The following TANC2 variants were observed in gnomAD, a reference collection of about 807,000 sequenced individuals.
TANC2 encodes tetratricopeptide repeat, ankyrin repeat and coiled-coil containing 2.
TANC2 carries 26 observed loss-of-function variants against 210.5 expected under a neutral mutation model. That is an observed-to-expected ratio of 0.12 (90% CI 0.09 to 0.17). The LOEUF (loss-of-function observed/expected upper bound fraction) is 0.17. TANC2 is among the 10% of genes least tolerant of loss of function. The probability of loss-of-function intolerance (pLI) is 1.00; values close to 1 mark genes in which losing one functional copy is unlikely to be tolerated. For synonymous variants in TANC2, 931 were observed against 967.1 expected (o/e 0.96, Z 0.69); for missense variants, 2,129 against 2,608.9 (o/e 0.82, Z 4.01).
At chr17:63,036,312 GTGTT>G (rs770433923) in intron 2 of TANC2, among the ~76,000 whole-genome samples, 33 of 152,232 alleles carry the variant, frequency 2.2e-4, no homozygotes, top group East Asian at 3.9e-4. Flanking sequence ...TAAGGTTGAT[GTGTT>G]TGTTTGTTTT....
At chr17:63,347,667 C>A (rs2046457958) in intron 12 of TANC2, among the ~76,000 whole-genome samples, 1 of 152,158 alleles carries the variant, frequency 6.6e-6, no homozygotes, top group African/African-American at 2.4e-5. Context: ...AAAATACATA[C>A]ACGCACACCC....
intron 4 of TANC2, among the ~76,000 whole-genome samples, chr17:63,133,852 T>C (rs1028907648): frequency 2.0e-5 from 3 of 151,926 alleles, no homozygotes; most frequent in Non-Finnish European, 4.4e-5. Context: ...ACACATAGAA[T>C]GGGTAGAATT....
At chr17:63,337,753 C>G (rs942714560) in intron 11 of TANC2, among the ~76,000 whole-genome samples, 6 of 152,116 alleles carry the variant, frequency 3.9e-5, no homozygotes, top group African/African-American at 1.4e-4. Context: ...GCTATTTTTA[C>G]TGATCCTCTC....
At chr17:63,266,952 C>A (rs574824412) in intron 8 of TANC2, among the ~76,000 whole-genome samples, 1 of 152,170 alleles carries the variant, frequency 6.6e-6, no homozygotes, top group South Asian at 2.1e-4. Flanking sequence ...CAGCCTCAAT[C>A]AATCCTCCCA....
intron 14 of TANC2, among the ~76,000 whole-genome samples, chr17:63,364,261 A>C (rs556125408): frequency 6.6e-6 from 1 of 152,234 alleles, no homozygotes; most frequent in Non-Finnish European, 1.5e-5. Context: ...GTCTCAGCAT[A>C]AATCATAGGA....
In TANC2 at chr17:62,979,230, T is replaced by C. The variant is rs79335864; in HGVS notation, c.-24+12481T>C. On this transcript the variant is annotated intron_variant, in intron 1 of 27. Transcript: ENST00000689528. ...ATCTCACGGTATACTTTATCCCTTT[T>C]ATATCATGAGAAACCCAATGCTGCC... Among the ~76,000 whole-genome samples the C allele has an allele frequency of 8.9e-3, 1,351 of 152,294 alleles. 28 individuals carry two copies. Among genetic ancestry groups the C allele is most frequent in the African/African-American group, 0.029 (1,203 of 41,566 alleles).
chr17:63,121,361 A>G (rs1279475759), intron 4 of TANC2, among the ~76,000 whole-genome samples: 2 of 152,180 alleles, frequency 1.3e-5, no homozygotes, highest in African/African-American at 2.4e-5. Flanking sequence ...TAAGAAAAAT[A>G]TATAGATAAA....
At chr17:63,164,849 A>T (rs2145512339) in intron 5 of TANC2, among the ~76,000 whole-genome samples, 1 of 152,272 alleles carries the variant, frequency 6.6e-6, no homozygotes, top group South Asian at 2.1e-4. Flanking sequence ...GTCCATTCAC[A>T]TTGGTGAAGA....
chr17:63,339,458 T>A (rs2146782633), intron 11 of TANC2, among the ~76,000 whole-genome samples: 1 of 152,262 alleles, frequency 6.6e-6, no homozygotes. Flanking sequence ...GCTTATAAAT[T>A]TTCCATGTTC....
At chr17:63,132,103 C>T (rs1395165540) in intron 4 of TANC2, among the ~76,000 whole-genome samples, 1 of 152,030 alleles carries the variant, frequency 6.6e-6, no homozygotes, top group Non-Finnish European at 1.5e-5. Context: ...TTCTCTTTAC[C>T]ATACAGTGTT....
At chr17:63,130,112 T>C (rs1048111406) in intron 4 of TANC2, among the ~76,000 whole-genome samples, 2 of 152,176 alleles carry the variant, frequency 1.3e-5, no homozygotes, top group African/African-American at 4.8e-5. Context: ...AGTTATAAAA[T>C]AAGAAATAAA....
intron 9 of TANC2, 89 bp from the exon 10 acceptor site, chr17:63,314,299 G>A (rs913552638): frequency 1.3e-4 from 182 of 1,438,116 alleles, no homozygotes; most frequent in Non-Finnish European, 1.6e-4. Context: ...GATAACTCAA[G>A]TCCCTAAACC....
chr17:63,097,068 T>A (rs550814153), intron 3 of TANC2, among the ~76,000 whole-genome samples: 1 of 151,690 alleles, frequency 6.6e-6, no homozygotes, highest in African/African-American at 2.4e-5. Flanking sequence ...CAAGAAATGG[T>A]CTCACTCTGT....
At chr17:63,056,626 T>C (rs150988785) in intron 2 of TANC2, among the ~76,000 whole-genome samples, 1 of 152,066 alleles carries the variant, frequency 6.6e-6, no homozygotes, top group Non-Finnish European at 1.5e-5. Context: ...TTGCAGTGAG[T>C]TGAGATCATG....
chr17:63,419,871 AC>A, intron 27 of TANC2, 127 bp from the exon 28 acceptor site: 1 of 1,126,598 alleles, frequency 8.9e-7, no homozygotes, highest in Non-Finnish European at 1.2e-6. Flanking sequence ...ATCCAACTAA[AC>A]CGAAATACCC....
intron 4 of TANC2, among the ~76,000 whole-genome samples, chr17:63,136,518 G>A (rs552155908): frequency 2.2e-4 from 34 of 152,186 alleles, no homozygotes; most frequent in Non-Finnish European, 3.8e-4. Context: ...CATTCAACAA[G>A]TAATAGTACT....
intron 9 of TANC2, among the ~76,000 whole-genome samples, chr17:63,268,717 T>C (rs1462408033): frequency 6.6e-6 from 1 of 152,178 alleles, no homozygotes. Context: ...AACCTATCCT[T>C]TTCTCACTCA....
chr17:63,245,396 T>C (rs2042887698), intron 8 of TANC2, among the ~76,000 whole-genome samples: 1 of 152,126 alleles, frequency 6.6e-6, no homozygotes, highest in Admixed American at 6.5e-5. Context: ...TATATGTAAA[T>C]CATACCAGTT....
intron 14 of TANC2, among the ~76,000 whole-genome samples, 200 bp downstream of exon 14, chr17:63,355,590 T>C (rs1424609535): frequency 6.6e-6 from 1 of 152,246 alleles, no homozygotes; most frequent in Non-Finnish European, 1.5e-5. Flanking sequence ...ACTCAACATC[T>C]GCATAGATAT....
Sources: gnomAD v4.1 joint callset for allele counts (sites outside exome capture counted in the v4.1 genomes callset) on GRCh38, gnomAD v4.1.1 for gene constraint, MANE v1.5 for transcripts, NCBI Gene and HGNC (gene_info 2026-07-23, HGNC 2026-07-21) for gene names.